The following ANKHD1 variants were observed in gnomAD, a reference collection of about 807,000 sequenced individuals.
ANKHD1 encodes the protein ankyrin repeat and KH domain containing 1.
In ANKHD1, 31 loss-of-function variants were observed where a neutral mutation model predicts 230.5. The observed-to-expected ratio is 0.13, with a 90% CI of 0.10 to 0.18. The LOEUF is 0.18. Among genes scored for constraint, ANKHD1 ranks in the 10% least tolerant of loss-of-function variants. ANKHD1 has a pLI of 1.00. For missense variants in ANKHD1, 2,256 were observed against 3,071.3 expected (o/e 0.73, Z 6.27); for synonymous variants, 1,074 against 1,117.6 (o/e 0.96, Z 0.78).
At chr5:140,531,264 A>G in intron 29 of ANKHD1, 3 of 413,734 alleles carry the variant, frequency 7.3e-6, no homozygotes, top group South Asian at 5.1e-5. Flanking sequence ...GATATAGTTT[A>G]CTTTCCTAGT....
intron 10 of ANKHD1, among the ~76,000 whole-genome samples, chr5:140,481,522 CTT>C (rs1308533347): frequency 6.6e-6 from 1 of 151,942 alleles, no homozygotes; most frequent in South Asian, 2.1e-4. Flanking sequence ...ATTCCTATCA[CTT>C]TTCTGTGAGG....
chr5:140,511,318 T>A (rs1056204458), intron 22 of ANKHD1, among the ~76,000 whole-genome samples: 3 of 152,222 alleles, frequency 2.0e-5, no homozygotes, highest in African/African-American at 7.2e-5. Context: ...GCTCACTGTT[T>A]TCTAGTTACT....
intron 7 of ANKHD1, among the ~76,000 whole-genome samples, chr5:140,453,367 A>C (rs980914476): frequency 1.3e-5 from 2 of 152,208 alleles, no homozygotes; most frequent in Non-Finnish European, 2.9e-5. Context: ...AGAGAATGCC[A>C]CAAAGATACT....
rs55859898 is a variant in ANKHD1 at position 140,485,397 on chromosome 5, A to AACACACACACACACACACACACACACAC, written c.1998+152_1999-162dup. 23 of 665,826 alleles carry AACACACACACACACACACACACACACAC rather than the reference A, an allele frequency of 3.5e-5. No homozygotes were observed. The highest frequency in any genetic ancestry group is 3.1e-4 in the African/African-American group (16 of 51,768). 41.2% of individuals were successfully genotyped at this position (665,826 alleles called of 1,614,324 possible). The stretch of plus-strand genomic sequence containing the variant: ...CATAAGGAGACCCCATCTCTATTAA[A>AACACACACACACACACACACACACACAC]ACACACACACACACACACACACACA... On this transcript the variant is annotated intron_variant, in intron 12 of 33. Transcript: ENST00000360839. This position sits in a 1 kb window ranked among gnomAD's most constrained non-coding sequence, Gnocchi z 4.8.
At chr5:140,494,070 AT>A (rs1239572582) in intron 14 of ANKHD1, among the ~76,000 whole-genome samples, 2 of 152,212 alleles carry the variant, frequency 1.3e-5, no homozygotes, top group Non-Finnish European at 2.9e-5. Flanking sequence ...ACCATGGACC[AT>A]TCAGTCTTTG....
intron 1 of ANKHD1, among the ~76,000 whole-genome samples, chr5:140,417,494 G>T (rs1213189709): frequency 1.3e-5 from 2 of 151,162 alleles, no homozygotes; most frequent in East Asian, 3.9e-4. Context: ...TGTCACTCAG[G>T]CTTGAGTGTA....
At chr5:140,408,043 G>T (rs1218783478) in intron 1 of ANKHD1, among the ~76,000 whole-genome samples, 1 of 152,140 alleles carries the variant, frequency 6.6e-6, no homozygotes, top group Non-Finnish European at 1.5e-5. Context: ...TGGGTATGGT[G>T]GCAGGCGCCT....
At position 140,443,788 on chromosome 5, in the gene ANKHD1, A is replaced by G. The variant is rs578077458; in HGVS notation, c.914-1954A>G. Among the ~76,000 whole-genome samples the G allele has an allele frequency of 2.0e-5, 3 of 152,144 alleles. No individual in the cohort carries two copies. The South Asian group carries it at 6.2e-4, about 31-fold the overall frequency. ...GTGATCATCAAATTCAGTGGTTTTT[A>G]AGGTTGTTTTCTGTCAAATAACTCT... is the stretch of plus-strand genomic sequence containing the variant. On this transcript the variant is annotated intron_variant, in intron 5 of 33. Coordinates refer to ENST00000360839, the MANE Select transcript of ANKHD1 (RefSeq NM_017747.3).
At position 140,504,850 on chromosome 5, in the gene ANKHD1, A is replaced by G. The variant is rs140999944; in HGVS notation, c.3034A>G (p.Asn1012Asp). ...GAGTACCAGAGTGCCCACTGGTTCC[A>G]ACAGTTCTTCTCAGACCACAGAGTG... ...AVSTRVPTGSNSSSQTTECLT... is the reference protein window; with the variant it reads ...AVSTRVPTGSDSSSQTTECLT... Residue 1012 changes from asparagine to aspartate, a missense_variant, in exon 16 of 34, where the codon AAC (asparagine) becomes GAC (aspartate). Transcript: ENST00000360839. The G allele has an allele frequency of 6.2e-7, 1 of 1,613,848 alleles. No homozygotes were observed. Among genetic ancestry groups the G allele is most frequent in the African/African-American group, 1.3e-5 (1 of 74,916 alleles).
intron 10 of ANKHD1, among the ~76,000 whole-genome samples, chr5:140,480,223 ATATT>A (rs1272778426): frequency 1.3e-5 from 2 of 152,094 alleles, no homozygotes; most frequent in African/African-American, 4.8e-5. Context: ...GAATGAATGT[ATATT>A]TATAGAGAGG....
chr5:140,535,338 T>A, intron 29 of ANKHD1, 24 bp from the exon 30 acceptor site: 1 of 1,538,492 alleles, frequency 6.5e-7, no homozygotes, highest in Non-Finnish European at 8.7e-7. Context: ...GCTAATTGGA[T>A]GTCTTGGACC....
chr5:140,513,234 G>T lies in ANKHD1; in HGVS notation c.4201-129G>T, dbSNP rs1752841333. 5.5e-6 allele frequency: 5 copies of T among 912,992 alleles called. No homozygotes were observed. The South Asian group carries it at 6.0e-5, about 11-fold the overall frequency. 56.6% of individuals were successfully genotyped at this position (912,992 alleles called of 1,614,324 possible). A position where few individuals can be genotyped will look rare whatever the true frequency, so the allele number is the denominator to read the frequency against. On this transcript the variant is annotated intron_variant, in intron 23 of 33. Coordinates refer to ENST00000360839, the MANE Select transcript of ANKHD1 (RefSeq NM_017747.3). ...ATTTTTGTGAAAGATTGGACTCAAA[G>T]GATAACTTAATTTGGTTTAGTGACT...
At chr5:140,403,196 T>G (rs1224050798) in intron 1 of ANKHD1, among the ~76,000 whole-genome samples, 3 of 151,958 alleles carry the variant, frequency 2.0e-5, no homozygotes, top group Non-Finnish European at 4.4e-5. Context: ...CTCGAACTCC[T>G]GACCTCAGGT....
chr5:140,532,644 TGTG>T (rs1191116290), intron 29 of ANKHD1, among the ~76,000 whole-genome samples: 5 of 152,212 alleles, frequency 3.3e-5, no homozygotes, highest in African/African-American at 9.6e-5. Flanking sequence ...CTAAAATTGA[TGTG>T]GTCATGAATG....
intron 6 of ANKHD1, among the ~76,000 whole-genome samples, chr5:140,448,449 A>C (rs1774455820): frequency 6.6e-6 from 1 of 152,148 alleles, no homozygotes; most frequent in Admixed American, 6.6e-5. Context: ...GGGTTTTGCT[A>C]CATATTGCCA....
Position 140,423,197 on chromosome 5 carries a change from C to G in ANKHD1, c.307-12907C>G, listed in dbSNP as rs139306645. Among the ~76,000 whole-genome samples the G allele has an allele frequency of 2.8e-4, 43 of 152,250 alleles. 1 individual carries two copies. In the East Asian group the frequency reaches 7.9e-3, roughly 28 times the overall value. The stretch of plus-strand genomic sequence containing the variant: ...ACAGGCATGAGCCACCATGCCCAGC[C>G]TATTTATTCAAATTATATTTGTCAT... On this transcript the variant is annotated intron_variant, in intron 1 of 33. Transcript: ENST00000360839.
At chr5:140,519,210 C>A (rs1376922393) in intron 24 of ANKHD1, among the ~76,000 whole-genome samples, 1 of 152,096 alleles carries the variant, frequency 6.6e-6, no homozygotes, top group East Asian at 1.9e-4. Flanking sequence ...ACCTAGGAAT[C>A]CAACTTACAA....
chr5:140,413,684 A>T (rs1771115630), intron 1 of ANKHD1, among the ~76,000 whole-genome samples: 1 of 152,154 alleles, frequency 6.6e-6, no homozygotes, highest in Non-Finnish European at 1.5e-5. Context: ...TTTAAAGTTA[A>T]ATTCAATTGT....
Position 140,485,300 on chromosome 5 carries a change from T to C in ANKHD1, c.1998+52T>C. 6.4e-7 allele frequency: 1 copy of C among 1,572,640 alleles called. No homozygotes were observed. Among genetic ancestry groups the C allele is most frequent in the Non-Finnish European group, 8.7e-7 (1 of 1,154,250 alleles). On this transcript the variant is annotated intron_variant, in intron 12 of 33. Transcript: ENST00000360839. The surrounding 1 kb of genome is among the most constrained non-coding windows in gnomAD (Gnocchi z 4.8). ...GGCTGTGTGCGGTGGCTCATGTCTA[T>C]GATCCCAGCACTTTAGAAAGCTGAG...
Sources: gnomAD v4.1 joint callset for allele counts (sites outside exome capture counted in the v4.1 genomes callset) on GRCh38, gnomAD v4.1.1 for gene constraint, Gnocchi (gnomAD v3.1) non-coding constraint, MANE v1.5 for transcripts, NCBI Gene and HGNC (gene_info 2026-07-23, HGNC 2026-07-21) for gene names.